GRM7: variants seen among roughly 807,000 people sequenced by gnomAD.
GRM7 encodes the protein metabotropic glutamate receptor 7.
A neutral mutation model predicts 84.5 loss-of-function variants in GRM7; 35 were observed. That is an observed-to-expected ratio of 0.41 (90% CI 0.32 to 0.55). The LOEUF is 0.55. GRM7 is among the 20% of genes least tolerant of loss of function. The probability of loss-of-function intolerance (pLI) is 0.19; values close to 1 mark genes in which losing one functional copy is unlikely to be tolerated. For synonymous variants in GRM7, 487 were observed against 455.1 expected, an observed-to-expected ratio of 1.07 and a Z score of -0.89; for missense variants, 1,003 against 1,194.6, an observed-to-expected ratio of 0.84 and a Z score of 2.36.
intron 5 of GRM7, among the ~76,000 whole-genome samples, chr3:7,435,750 C>G (rs796622333): frequency 2.1e-5 from 3 of 142,942 alleles, no homozygotes; most frequent in African/African-American, 7.9e-5. Context: ...TGCAGTGGCA[C>G]GATCTTGGCT....
chr3:7,420,698 A>G lies in GRM7; in HGVS notation c.1174+5535A>G, dbSNP rs571263006. Among the ~76,000 whole-genome samples, 6 of 152,216 alleles carry G rather than the reference A, an allele frequency of 3.9e-5. No individual in the cohort carries two copies. In the East Asian group the frequency reaches 9.7e-4, roughly 25 times the overall value. ...TACCTCTATAAATGGCTTGTTTCTA[A>G]TTGTGGGAACTGGAAATGTATCAAA... On this transcript the variant is annotated intron_variant, in intron 5 of 9. Coordinates refer to ENST00000357716, the MANE Select transcript of GRM7 (RefSeq NM_000844.4).
intron 2 of GRM7, among the ~76,000 whole-genome samples, chr3:7,190,688 C>A (rs936985473): frequency 2.6e-5 from 4 of 152,190 alleles, no homozygotes; most frequent in African/African-American, 7.2e-5. Context: ...GTCCTTCCTA[C>A]AAGCAGTTTA....
chr3:7,591,647 ATATAG>A (rs1695785335), intron 8 of GRM7, among the ~76,000 whole-genome samples: 1 of 152,176 alleles, frequency 6.6e-6, no homozygotes, highest in African/African-American at 2.4e-5. Context: ...CTTCTACATA[ATATAG>A]TACTTAGAAT....
intron 1 of GRM7, among the ~76,000 whole-genome samples, chr3:7,050,282 G>C (rs988252350): frequency 1.3e-5 from 2 of 151,810 alleles, no homozygotes; most frequent in East Asian, 3.9e-4. Flanking sequence ...TAACATAAAA[G>C]TCTGTTCTAA....
chr3:7,682,578 C>G (rs1481014727), intron 9 of GRM7, among the ~76,000 whole-genome samples: 3 of 149,708 alleles, frequency 2.0e-5, no homozygotes, highest in East Asian at 2.0e-4. Flanking sequence ...ACACATTTAA[C>G]TAGATACTGT....
At chr3:6,941,914 T>C (rs1175961616) in intron 1 of GRM7, among the ~76,000 whole-genome samples, 2 of 152,180 alleles carry the variant, frequency 1.3e-5, no homozygotes. Context: ...TTGTAAAATT[T>C]GACAAGTACC....
At chr3:6,889,464 G>A (rs369879973) in intron 1 of GRM7, among the ~76,000 whole-genome samples, 5 of 151,566 alleles carry the variant, frequency 3.3e-5, no homozygotes, top group East Asian at 3.9e-4. Context: ...TTTGTCAAAG[G>A]CCTTTTCTGC....
At chr3:7,461,460 T>C in intron 6 of GRM7, 123 bp from the exon 7 acceptor site, 1 of 729,280 alleles carries the variant, frequency 1.4e-6, no homozygotes, top group Non-Finnish European at 2.3e-6. Flanking sequence ...GGGGGACCTA[T>C]TAAAGGGGAT....
intron 6 of GRM7, 33 bp downstream of exon 6, chr3:7,452,840 C>T (rs1559333095): frequency 7.4e-7 from 1 of 1,351,168 alleles, no homozygotes. Context: ...TTTTTGGAAT[C>T]CTAAGTGTTG....
At chr3:6,924,230 G>A (rs556219941) in intron 1 of GRM7, among the ~76,000 whole-genome samples, 3 of 152,248 alleles carry the variant, frequency 2.0e-5, no homozygotes, top group South Asian at 4.1e-4. Context: ...GCAATGGTCC[G>A]TTTGAAAATA....
intron 8 of GRM7, among the ~76,000 whole-genome samples, chr3:7,625,775 A>G (rs907999635): frequency 6.6e-6 from 1 of 152,194 alleles, no homozygotes; most frequent in Non-Finnish European, 1.5e-5. Context: ...TGCAGTGACG[A>G]TGAGATATCC....
chr3:6,940,382 G>A lies in GRM7; in HGVS notation c.519+78475G>A, dbSNP rs945812488. Among the ~76,000 whole-genome samples, 5 of 152,082 alleles carry A rather than the reference G, an allele frequency of 3.3e-5. No individual in the cohort carries two copies. The East Asian group carries it at 5.8e-4, about 18-fold the overall frequency. On this transcript the variant is annotated intron_variant, in intron 1 of 9. Coordinates refer to ENST00000357716, the MANE Select transcript of GRM7 (RefSeq NM_000844.4). The stretch of plus-strand genomic sequence containing the variant: ...TGGGATTACAGGAGTGAACCACTGC[G>A]CCCGGCCCGTTTTTAATTTAAGTGA...
At chr3:6,942,699 T>G (rs916230676) in intron 1 of GRM7, among the ~76,000 whole-genome samples, 22 of 152,146 alleles carry the variant, frequency 1.4e-4, no homozygotes, top group African/African-American at 5.3e-4. Flanking sequence ...TGAATATTTG[T>G]GTACAAGCTT....
intron 2 of GRM7, among the ~76,000 whole-genome samples, chr3:7,215,107 A>G (rs1575040836): frequency 6.6e-6 from 1 of 152,224 alleles, no homozygotes; most frequent in South Asian, 2.1e-4. Flanking sequence ...TTAGTTGTGC[A>G]TAAGCATCAC....
At chr3:7,281,047 G>A (rs1699236542) in intron 2 of GRM7, among the ~76,000 whole-genome samples, 2 of 152,130 alleles carry the variant, frequency 1.3e-5, no homozygotes. Flanking sequence ...AGGTAGTCAG[G>A]AATGGTTCTC....
rs987186007 is a variant in GRM7 at position 7,306,018 on chromosome 3, A to G, written c.879-480A>G. 2.6e-5 allele frequency among the ~76,000 whole-genome samples: 4 copies of G among 152,158 alleles called. No homozygotes were observed. The East Asian group carries it at 7.7e-4, about 29-fold the overall frequency. ...TATAAATTTTTCATGTTTCACATGG[A>G]GTTCTGTTTATTTTAATAAATAATT... On this transcript the variant is annotated intron_variant, in intron 3 of 9. Coordinates refer to ENST00000357716, the MANE Select transcript of GRM7 (RefSeq NM_000844.4).
At chr3:7,417,479 A>T (rs1157422309) in intron 5 of GRM7, among the ~76,000 whole-genome samples, 1 of 152,132 alleles carries the variant, frequency 6.6e-6, no homozygotes, top group African/African-American at 2.4e-5. Context: ...GTATACTTCA[A>T]TTTGGAAGTG....
chr3:7,129,257 C>T lies in GRM7; in HGVS notation c.520-17195C>T, dbSNP rs577679341. On this transcript the variant is annotated intron_variant, in intron 1 of 9. Transcript: ENST00000357716. ...TGCCTACTTACTTTGTCTTCTTTGC[C>T]TTCTACACAAATACTTCAAAAATTG... Among the ~76,000 whole-genome samples the T allele has an allele frequency of 5.3e-5, 8 of 152,258 alleles. No individual in the cohort carries two copies. In the South Asian group the frequency reaches 1.0e-3, roughly 20 times the overall value.
intron 1 of GRM7, among the ~76,000 whole-genome samples, chr3:7,039,973 C>T (rs138581787): frequency 6.6e-6 from 1 of 152,234 alleles, no homozygotes; most frequent in East Asian, 1.9e-4. Flanking sequence ...CTTTTGTACT[C>T]GGCACCTAGC....
Sources: gnomAD v4.1 joint callset for allele counts (sites outside exome capture counted in the v4.1 genomes callset) on GRCh38, gnomAD v4.1.1 for gene constraint, MANE v1.5 for transcripts, NCBI Gene and HGNC (gene_info 2026-07-23, HGNC 2026-07-21) for gene names.